PLD1: variants seen among roughly 807,000 people sequenced by gnomAD.
PLD1 encodes choline phosphatase 1.
A neutral mutation model predicts 137.1 loss-of-function variants in PLD1; 112 were observed. The ratio of observed to expected loss-of-function variants is 0.82; its 90% CI spans 0.70 to 0.96. The LOEUF (loss-of-function observed/expected upper bound fraction) is 0.96, where lower values mean the gene tolerates loss of function less well. PLD1 is among the 40% of genes least tolerant of loss of function. The pLI, the probability that PLD1 is intolerant of heterozygous loss-of-function variation, is 0.00. For missense variants in PLD1, 1,321 were observed against 1,342.0 expected (o/e 0.98, Z 0.24); for synonymous variants, 431 against 454.7 (o/e 0.95, Z 0.66).
chr3:171,701,197 C>T, intron 11 of PLD1, among the ~76,000 whole-genome samples: 1 of 152,224 alleles, frequency 6.6e-6, no homozygotes, highest in South Asian at 2.1e-4. Flanking sequence ...AGGAAACAGA[C>T]AAATGGAAGA....
At position 171,714,427 on chromosome 3, in the gene PLD1, A is replaced by T. The variant is rs963770290; in HGVS notation, c.759-382T>A. ...AAATGGTAACTTCATCAGGCTGCAT[A>T]TAACAACATGTATTCCTATTTGCCT... On this transcript the variant is annotated intron_variant, in intron 8 of 26. Transcript: ENST00000351298. Among the ~76,000 whole-genome samples, 4 of 152,208 alleles carry T rather than the reference A, an allele frequency of 2.6e-5. No homozygotes were observed. In the East Asian group the frequency reaches 7.7e-4, roughly 29 times the overall value.
At chr3:171,722,833 A>G (rs1182414291) in intron 8 of PLD1, among the ~76,000 whole-genome samples, 2 of 152,096 alleles carry the variant, frequency 1.3e-5, no homozygotes, top group Non-Finnish European at 2.9e-5. Context: ...ATGACCATGA[A>G]TGGTCTTCAT....
At chr3:171,805,075 A>C (rs575643870) in intron 1 of PLD1, among the ~76,000 whole-genome samples, 2 of 152,336 alleles carry the variant, frequency 1.3e-5, no homozygotes, top group South Asian at 4.1e-4. Context: ...TTCTTAATAT[A>C]AAGTTCATAA....
intron 1 of PLD1, among the ~76,000 whole-genome samples, chr3:171,788,159 A>G (rs1441505526): frequency 2.0e-5 from 3 of 150,548 alleles, no homozygotes; most frequent in Non-Finnish European, 4.4e-5. Flanking sequence ...GCGTCATTGC[A>G]CTCCAGCCTT....
At chr3:171,716,136 T>C (rs1259062420) in intron 8 of PLD1, among the ~76,000 whole-genome samples, 1 of 152,182 alleles carries the variant, frequency 6.6e-6, no homozygotes, top group Non-Finnish European at 1.5e-5. Flanking sequence ...TCCAGTCTAC[T>C]ACAGATGGGT....
At chr3:171,627,231 T>C (rs918665550) in intron 23 of PLD1, among the ~76,000 whole-genome samples, 9 of 152,132 alleles carry the variant, frequency 5.9e-5, no homozygotes, top group Admixed American at 2.6e-4. Context: ...TAAAACAGAC[T>C]GTAAACTAAC....
At chr3:171,680,936 G>A (rs900187678) in intron 16 of PLD1, among the ~76,000 whole-genome samples, 4 of 152,122 alleles carry the variant, frequency 2.6e-5, no homozygotes, top group African/African-American at 9.7e-5. Flanking sequence ...TACTATAAAC[G>A]CTATAAAGCC....
chr3:171,602,816 T>C lies in PLD1; in HGVS notation c.*262A>G, dbSNP rs73038024. The C allele has an allele frequency of 0.022, 9,539 of 426,176 alleles. 374 individuals carry two copies. Among genetic ancestry groups the C allele is most frequent in the African/African-American group, 0.12 (5,996 of 50,346 alleles). The allele number at this position is 426,176 out of a possible 1,614,324, so 26.4% of individuals were successfully genotyped here. On this transcript the variant is annotated 3_prime_UTR_variant, in exon 27 of 27. Coordinates refer to ENST00000351298, the MANE Select transcript of PLD1 (RefSeq NM_002662.5). ...GATTTTGGTATACGGAATTTGAATATGTGTTTTACTCAACAGAGTACATGC... is the reference window on the plus strand; with the variant it reads ...GATTTTGGTATACGGAATTTGAATACGTGTTTTACTCAACAGAGTACATGC...
intron 23 of PLD1, among the ~76,000 whole-genome samples, chr3:171,622,827 A>C (rs1422334481): frequency 6.6e-6 from 1 of 151,144 alleles, no homozygotes; most frequent in African/African-American, 2.4e-5. Context: ...TCAAATAATA[A>C]AAATATTAAA....
In PLD1 at chr3:171,757,156, G is replaced by A. The variant is rs75877928; in HGVS notation, c.-31-19074C>T. ...CACTTAAAGAAAGCAATCTACCGAC[G>A]TCTACATTGAATATTACTTTAATTC... On this transcript the variant is annotated intron_variant, in intron 1 of 26. Transcript: ENST00000351298. Among the ~76,000 whole-genome samples, 149 of 152,236 alleles carry A rather than the reference G, an allele frequency of 9.8e-4. 1 individual carries two copies. Among genetic ancestry groups the A allele is most frequent in the Middle Eastern group, 6.8e-3 (2 of 294 alleles).
At chr3:171,685,878 G>A (rs1041865695) in intron 16 of PLD1, among the ~76,000 whole-genome samples, 13 of 152,070 alleles carry the variant, frequency 8.5e-5, no homozygotes, top group East Asian at 1.9e-4. Flanking sequence ...CAGCACTTTC[G>A]GAGGCCAAGG....
intron 1 of PLD1, among the ~76,000 whole-genome samples, chr3:171,756,942 A>T (rs920139246): frequency 6.6e-6 from 1 of 152,212 alleles, no homozygotes; most frequent in African/African-American, 2.4e-5. Flanking sequence ...AGATTTTTTT[A>T]AAATCAGCAA....
At chr3:171,654,196 G>A (rs531734972) in intron 21 of PLD1, 49 of 321,600 alleles carry the variant, frequency 1.5e-4, no homozygotes, top group South Asian at 7.5e-4. Flanking sequence ...CCAGATACTC[G>A]GGAGGCTGAG....
At chr3:171,791,284 G>A (rs1723201091) in intron 1 of PLD1, among the ~76,000 whole-genome samples, 1 of 152,120 alleles carries the variant, frequency 6.6e-6, no homozygotes, top group South Asian at 2.1e-4. Flanking sequence ...TTTCATGTTG[G>A]AGTCATCTAA....
chr3:171,773,810 G>A (rs1439501296), intron 1 of PLD1, among the ~76,000 whole-genome samples: 2 of 151,998 alleles, frequency 1.3e-5, no homozygotes, highest in South Asian at 4.2e-4. Context: ...CTGCAGTGGC[G>A]CTGTCTCGGC....
rs138673748 is a variant in PLD1 at position 171,624,071 on chromosome 3, C to T, written c.2594-3551G>A. ...CAACACGTTTGCATGACACAAAACA[C>T]GACAAGCAAAAAACAAAAGGCAGAA... is the stretch of plus-strand genomic sequence containing the variant. On this transcript the variant is annotated intron_variant, in intron 23 of 26. Coordinates refer to ENST00000351298, the MANE Select transcript of PLD1 (RefSeq NM_002662.5). Among the ~76,000 whole-genome samples the T allele has an allele frequency of 2.3e-4, 34 of 145,538 alleles. No individual in the cohort carries two copies. In the East Asian group the frequency reaches 2.8e-3, roughly 12 times the overall value.
At chr3:171,763,101 T>G (rs1025882892) in intron 1 of PLD1, among the ~76,000 whole-genome samples, 6 of 152,032 alleles carry the variant, frequency 3.9e-5, no homozygotes, top group Non-Finnish European at 8.8e-5. Flanking sequence ...CACAGCAAAT[T>G]GTCTTCTATG....
intron 1 of PLD1, chr3:171,765,207 A>C (rs1044936526): frequency 6.6e-6 from 1 of 152,202 alleles, no homozygotes; most frequent in Non-Finnish European, 1.5e-5. Flanking sequence ...GATGATCTGT[A>C]AATTATACAA....
intron 23 of PLD1, among the ~76,000 whole-genome samples, chr3:171,639,573 AAT>A (rs1454285551): frequency 2.2e-5 from 2 of 92,018 alleles, no homozygotes; most frequent in Non-Finnish European, 4.0e-5. Flanking sequence ...TATTATATAT[AAT>A]ATATATTCAT....
Sources: gnomAD v4.1 joint callset for allele counts (sites outside exome capture counted in the v4.1 genomes callset) on GRCh38, gnomAD v4.1.1 for gene constraint, MANE v1.5 for transcripts, NCBI Gene and HGNC (gene_info 2026-07-23, HGNC 2026-07-21) for gene names.